The following DCLK1 variants were observed in gnomAD, a reference collection of about 807,000 sequenced individuals.
DCLK1 encodes the protein serine/threonine-protein kinase DCLK1.
Under a neutral mutation model 86.2 loss-of-function variants are expected in DCLK1, and 16 were observed. The ratio of observed to expected loss-of-function variants is 0.19; its 90% CI spans 0.13 to 0.28. The LOEUF (loss-of-function observed/expected upper bound fraction) is 0.28, where lower values mean the gene tolerates loss of function less well. DCLK1 is among the 10% of genes least tolerant of loss of function. DCLK1 has a pLI of 1.00. For missense variants in DCLK1, 590 were observed against 940.2 expected, an observed-to-expected ratio of 0.63 and a Z score of 4.87; for synonymous variants, 369 against 370.5, an observed-to-expected ratio of 1.00 and a Z score of 0.05.
chr13:36,068,842 T>C (rs1883861468), intron 3 of DCLK1, among the ~76,000 whole-genome samples: 2 of 152,180 alleles, frequency 1.3e-5, no homozygotes, highest in African/African-American at 4.8e-5. Flanking sequence ...CCAAAGTACG[T>C]AGTCTTTCAA....
intron 16 of DCLK1, among the ~76,000 whole-genome samples, chr13:35,780,303 G>A (rs534657632): frequency 6.6e-6 from 1 of 152,276 alleles, no homozygotes; most frequent in African/African-American, 2.4e-5. Context: ...TATTTTATTA[G>A]TTATTTTGTT....
intron 3 of DCLK1, among the ~76,000 whole-genome samples, chr13:36,066,556 T>C (rs1159546309): frequency 6.6e-6 from 1 of 152,074 alleles, no homozygotes; most frequent in African/African-American, 2.4e-5. Flanking sequence ...TCTTCCATCA[T>C]AGTGGGGAGG....
At chr13:36,108,207 C>T (rs773803294) in intron 3 of DCLK1, among the ~76,000 whole-genome samples, 5 of 152,034 alleles carry the variant, frequency 3.3e-5, no homozygotes, top group Non-Finnish European at 5.9e-5. Flanking sequence ...GGAGGAAGGT[C>T]GGGGCAACCA....
chr13:35,970,504 C>T (rs556437406), intron 3 of DCLK1, among the ~76,000 whole-genome samples: 1 of 152,150 alleles, frequency 6.6e-6, no homozygotes, highest in Non-Finnish European at 1.5e-5. Context: ...GTGATTAGGC[C>T]GTGATGGTTC....
intron 12 of DCLK1, among the ~76,000 whole-genome samples, chr13:35,809,944 G>A (rs1470858286): frequency 2.6e-5 from 4 of 152,294 alleles, no homozygotes; most frequent in South Asian, 2.1e-4. Context: ...AGGGGAGAGT[G>A]CCACCTAGAT....
At chr13:35,813,229 C>T (rs2087188519) in intron 11 of DCLK1, among the ~76,000 whole-genome samples, 2 of 152,206 alleles carry the variant, frequency 1.3e-5, no homozygotes, top group South Asian at 4.1e-4. Flanking sequence ...TAGGTCCAAA[C>T]ATTCATTCTG....
chr13:35,973,909 TG>T (rs1053312155), intron 3 of DCLK1, among the ~76,000 whole-genome samples: 2 of 152,054 alleles, frequency 1.3e-5, no homozygotes, highest in African/African-American at 4.8e-5. Flanking sequence ...CCCCCCTTTC[TG>T]AGACTGGCAG....
At chr13:35,868,163 C>T (rs1396921859) in intron 5 of DCLK1, among the ~76,000 whole-genome samples, 2 of 151,926 alleles carry the variant, frequency 1.3e-5, no homozygotes, top group East Asian at 1.9e-4. Flanking sequence ...GCTGGGACTA[C>T]AGGCGCCTGC....
In DCLK1 at chr13:35,810,822, G is replaced by C; in HGVS notation, c.1688+13C>G. 3 of 1,612,716 alleles carry C rather than the reference G, an allele frequency of 1.9e-6. No individual in the cohort carries two copies. Among genetic ancestry groups the C allele is most frequent in the Non-Finnish European group, 2.5e-6 (3 of 1,179,414 alleles). On this transcript the variant is annotated intron_variant, in intron 12 of 16. Transcript: ENST00000360631. Reference sequence around the variant, plus strand: ...TTGCAAGCATAGCACTTAAACATAAGAGAAGCATTTACCCAGTCTCTGCAA... The same window carrying C: ...TTGCAAGCATAGCACTTAAACATAACAGAAGCATTTACCCAGTCTCTGCAA...
At chr13:35,847,058 C>T (rs911405419) in intron 6 of DCLK1, 11 of 985,000 alleles carry the variant, frequency 1.1e-5, no homozygotes, top group Non-Finnish European at 1.3e-5. Context: ...GATTGGCAAC[C>T]ACTACAAGCC....
chr13:35,805,627 A>G, intron 15 of DCLK1, 72 bp downstream of exon 15: 1 of 1,460,998 alleles, frequency 6.8e-7, no homozygotes, highest in African/African-American at 1.4e-5. Flanking sequence ...AGGCAATAAC[A>G]TTAGAAAATC....
At chr13:35,852,457 C>T (rs967170022) in intron 6 of DCLK1, among the ~76,000 whole-genome samples, 1 of 152,194 alleles carries the variant, frequency 6.6e-6, no homozygotes, top group African/African-American at 2.4e-5. Context: ...TGCCCTGCCT[C>T]ACAACATGTG....
chr13:35,952,502 T>C (rs578203762), intron 3 of DCLK1, among the ~76,000 whole-genome samples: 2 of 152,322 alleles, frequency 1.3e-5, no homozygotes, highest in East Asian at 3.9e-4. Context: ...ATATAACAAA[T>C]GTGCTAAGGA....
chr13:35,811,086 G>A, intron 11 of DCLK1, 118 bp from the exon 12 acceptor site: 1 of 1,267,782 alleles, frequency 7.9e-7, no homozygotes, highest in Non-Finnish European at 1.1e-6. Context: ...AATAAATTAG[G>A]CAATTATGCA....
chr13:36,092,355 CAG>C (rs920667814), intron 3 of DCLK1, among the ~76,000 whole-genome samples: 5 of 152,146 alleles, frequency 3.3e-5, no homozygotes, highest in African/African-American at 4.8e-5. Flanking sequence ...GTGCTTAACA[CAG>C]TTCCTAGCAC....
intron 3 of DCLK1, among the ~76,000 whole-genome samples, chr13:36,013,512 T>TG (rs1044069333): frequency 2.0e-5 from 3 of 152,288 alleles, no homozygotes; most frequent in South Asian, 2.1e-4. Context: ...GTGCCCCTGC[T>TG]GGGGGGTGCC....
intron 6 of DCLK1, chr13:35,850,421 T>C: frequency 3.8e-6 from 4 of 1,061,606 alleles, no homozygotes; most frequent in Non-Finnish European, 4.5e-6. Flanking sequence ...GTTCTTGTAC[T>C]CAATATTGGG....
At chr13:36,000,452 T>C (rs1169508029) in intron 3 of DCLK1, among the ~76,000 whole-genome samples, 1 of 152,198 alleles carries the variant, frequency 6.6e-6, no homozygotes, top group Non-Finnish European at 1.5e-5. Flanking sequence ...CTTCATCACC[T>C]AATGGCTTTG....
chr13:35,851,984 CATGTGTGTGT>C (rs1169348541), intron 6 of DCLK1, among the ~76,000 whole-genome samples: 1 of 144,180 alleles, frequency 6.9e-6, no homozygotes, highest in East Asian at 2.1e-4. Flanking sequence ...CGCGTGTGTG[CATGTGTGTGT>C]ATGTGTGTGT....
Sources: allele counts gnomAD v4.1 joint callset (sites outside exome capture counted in the v4.1 genomes callset), GRCh38; gene constraint gnomAD v4.1.1; transcripts MANE v1.5; gene names NCBI Gene and HGNC (gene_info 2026-07-23, HGNC 2026-07-21).